LRP1B: variants seen among roughly 807,000 people sequenced by gnomAD.
LRP1B encodes the protein low-density lipoprotein receptor-related protein 1B.
LRP1B carries 217 observed loss-of-function variants against 556.6 expected under a neutral mutation model. The ratio of observed to expected loss-of-function variants is 0.39; its 90% CI spans 0.35 to 0.44. The LOEUF (loss-of-function observed/expected upper bound fraction) is 0.44, where lower values mean the gene tolerates loss of function less well. Ranked by LOEUF, LRP1B falls within the 20% of genes least tolerant of loss-of-function variation. The probability of loss-of-function intolerance (pLI) is 1.00; values close to 1 mark genes in which losing one functional copy is unlikely to be tolerated. For missense variants in LRP1B, 5,053 were observed against 5,620.8 expected (o/e 0.90, Z 3.23); for synonymous variants, 2,047 against 1,865.8 (o/e 1.10, Z -2.50).
intron 84 of LRP1B, among the ~76,000 whole-genome samples, chr2:140,285,335 ACATATG>A (rs1683102734): frequency 6.9e-6 from 1 of 144,378 alleles, no homozygotes; most frequent in Non-Finnish European, 1.6e-5. Flanking sequence ...ATATACACAT[ACATATG>A]TATATATGTG....
chr2:141,166,702 T>C (rs1047796966), intron 7 of LRP1B, among the ~76,000 whole-genome samples: 1 of 151,766 alleles, frequency 6.6e-6, no homozygotes, highest in Non-Finnish European at 1.5e-5. Flanking sequence ...TTCTTGACGA[T>C]AACATATTGT....
In LRP1B at chr2:140,898,550, T is replaced by C. The variant is rs1262098417; in HGVS notation, c.3766+4370A>G. 9 of 326,852 alleles carry C rather than the reference T, an allele frequency of 2.8e-5. No individual in the cohort carries two copies. In the Admixed American group the frequency reaches 3.5e-4, roughly 13 times the overall value. The allele number at this position is 326,852 out of a possible 1,614,324, so 20.2% of individuals were successfully genotyped here. On this transcript the variant is annotated intron_variant, in intron 23 of 90. Transcript: ENST00000389484. ...ACACTAATGAGCAATCCCAGGACCA[T>C]CGATTTGTCCAACAACAAGATGGAC...
intron 2 of LRP1B, among the ~76,000 whole-genome samples, chr2:141,614,080 C>CAGGAAAAAAAAAAAAAAAAAAAA (rs1553543025): frequency 2.1e-5 from 1 of 47,346 alleles, no homozygotes; most frequent in Non-Finnish European, 3.6e-5. Context: ...AACTCAGCCT[C>CAGGAAAAAAAAAAAAAAAAAAAA]AAAAAAAAAA....
At chr2:141,372,915 GGTTC>G (rs1394173788) in intron 3 of LRP1B, among the ~76,000 whole-genome samples, 1 of 151,802 alleles carries the variant, frequency 6.6e-6, no homozygotes, top group African/African-American at 2.4e-5. Context: ...CTTTGGATTT[GGTTC>G]GTTCTTGTTT....
chr2:141,667,508 T>G (rs530903324), intron 2 of LRP1B, among the ~76,000 whole-genome samples: 1 of 152,314 alleles, frequency 6.6e-6, no homozygotes, highest in East Asian at 1.9e-4. Flanking sequence ...TCCCCAAAGA[T>G]ACTCCTGGAC....
At chr2:142,002,192 G>A (rs536538835) in intron 1 of LRP1B, among the ~76,000 whole-genome samples, 6 of 152,028 alleles carry the variant, frequency 3.9e-5, no homozygotes, top group Non-Finnish European at 8.8e-5. Context: ...AGTCTATCTC[G>A]GGACATTAAG....
intron 2 of LRP1B, among the ~76,000 whole-genome samples, chr2:141,518,732 T>C (rs1417370912): frequency 1.3e-5 from 2 of 152,094 alleles, no homozygotes; most frequent in Non-Finnish European, 2.9e-5. Context: ...GCGGATCACC[T>C]GAGGTCAGAA....
chr2:140,325,178 T>C (rs982314459), intron 80 of LRP1B, among the ~76,000 whole-genome samples: 1 of 151,720 alleles, frequency 6.6e-6, no homozygotes, highest in African/African-American at 2.4e-5. Context: ...AGAAAAAGTA[T>C]GAGGAAGAGA....
chr2:141,722,287 A>G (rs1461947817), intron 2 of LRP1B, among the ~76,000 whole-genome samples: 6 of 152,154 alleles, frequency 3.9e-5, no homozygotes, highest in African/African-American at 1.4e-4. Flanking sequence ...CTAAGGCACG[A>G]GAATCGCTTG....
At chr2:140,761,335 T>C (rs1688914109) in intron 35 of LRP1B, among the ~76,000 whole-genome samples, 1 of 152,348 alleles carries the variant, frequency 6.6e-6, no homozygotes, top group South Asian at 2.1e-4. Flanking sequence ...ATAAAAGGTC[T>C]ATAATATTGT....
intron 1 of LRP1B, among the ~76,000 whole-genome samples, chr2:141,930,374 T>C (rs1163595948): frequency 1.3e-5 from 2 of 152,034 alleles, no homozygotes; most frequent in African/African-American, 4.8e-5. Flanking sequence ...GGGACACTCA[T>C]TGCAGCACAG....
chr2:141,380,610 A>G (rs1018298832), intron 3 of LRP1B, among the ~76,000 whole-genome samples: 3 of 152,162 alleles, frequency 2.0e-5, no homozygotes, highest in Admixed American at 6.5e-5. Context: ...AAAAAGAGCA[A>G]AGAGATGATT....
At chr2:141,068,169 A>G (rs1200575749) in intron 7 of LRP1B, among the ~76,000 whole-genome samples, 1 of 152,052 alleles carries the variant, frequency 6.6e-6, no homozygotes, top group Non-Finnish European at 1.5e-5. Context: ...ATTTTGAACA[A>G]GCAAACATTG....
At chr2:140,768,477 T>C (rs1042148583) in intron 35 of LRP1B, among the ~76,000 whole-genome samples, 2 of 151,940 alleles carry the variant, frequency 1.3e-5, no homozygotes, top group Non-Finnish European at 1.5e-5. Flanking sequence ...TTGATAAGTT[T>C]AAGCCCTCAA....
intron 41 of LRP1B, among the ~76,000 whole-genome samples, chr2:140,626,640 G>A (rs1398311028): frequency 6.7e-6 from 1 of 148,706 alleles, no homozygotes; most frequent in African/African-American, 2.5e-5. Context: ...GCAAAGGAAA[G>A]CCCAGAATTC....
chr2:140,707,072 A>C (rs1452338548), intron 37 of LRP1B, among the ~76,000 whole-genome samples: 1 of 152,152 alleles, frequency 6.6e-6, no homozygotes, highest in Non-Finnish European at 1.5e-5. Flanking sequence ...ACTAGTTGGC[A>C]TTAATCATTT....
chr2:140,788,055 T>G (rs941866022), intron 32 of LRP1B, among the ~76,000 whole-genome samples: 1 of 152,190 alleles, frequency 6.6e-6, no homozygotes, highest in South Asian at 2.1e-4. Flanking sequence ...ACACTTACTC[T>G]CTGGATGATC....
In LRP1B at chr2:141,020,121, CAAGA is replaced by C. The variant is rs779367051; in HGVS notation, c.1790-23_1790-20del. On this transcript the variant is annotated intron_variant, in intron 11 of 90. Coordinates refer to ENST00000389484, the MANE Select transcript of LRP1B (RefSeq NM_018557.3). ...TCCAGATCTATAAAAAAAGCAAAAA[CAAGA>C]AAGAAATTGCTTTTACAACTATAGT... is the stretch of plus-strand genomic sequence containing the variant. The C allele has an allele frequency of 1.6e-4, 239 of 1,452,848 alleles. 1 individual carries two copies. Among genetic ancestry groups the C allele is most frequent in the Middle Eastern group, 1.8e-4 (1 of 5,442 alleles). 90.0% of individuals were successfully genotyped at this position (1,452,848 alleles called of 1,614,324 possible).
intron 41 of LRP1B, among the ~76,000 whole-genome samples, chr2:140,682,275 C>T (rs571411027): frequency 6.6e-6 from 1 of 152,278 alleles, no homozygotes; most frequent in East Asian, 1.9e-4. Context: ...TATATTCGTA[C>T]CACACTGGTA....
Sources: allele counts gnomAD v4.1 joint callset (sites outside exome capture counted in the v4.1 genomes callset), GRCh38; gene constraint gnomAD v4.1.1; transcripts MANE v1.5; gene names NCBI Gene and HGNC (gene_info 2026-07-23, HGNC 2026-07-21).